The following KRT76 variants were observed in gnomAD, a reference collection of about 807,000 sequenced individuals.
KRT76 encodes the protein keratin, type II cytoskeletal 2 oral.
KRT76 carries 47 observed loss-of-function variants against 44.9 expected under a neutral mutation model. The ratio of observed to expected loss-of-function variants is 1.05; its 90% confidence interval spans 0.83 to 1.33. The LOEUF is 1.33. Ranked by LOEUF, KRT76 falls within the 40% of genes most tolerant of loss-of-function variation. The pLI, the probability that KRT76 is intolerant of heterozygous loss-of-function variation, is 0.00. For missense variants in KRT76, 860 were observed against 775.8 expected (o/e 1.11, Z -1.29); for synonymous variants, 331 against 294.1 (o/e 1.13, Z -1.28).
rs1939217956 is a variant in KRT76, at chr12:52,773,602, C to T, written c.856G>A (p.Glu286Lys). 6.2e-7 allele frequency: 1 copy of T among 1,613,442 alleles called. No homozygotes were observed. The highest frequency in any genetic ancestry group is 8.5e-7 in the Non-Finnish European group (1 of 1,179,494). Residue 286 changes from glutamate (E) to lysine (K), a missense_variant, in exon 3 of 9, where the codon GAG (glutamate) becomes AAG (lysine). Glu to Lys is a moderately conservative substitution (Grantham distance 56). Coordinates refer to ENST00000332411, the MANE Select transcript of KRT76 (RefSeq NM_015848.4). ...CCTACCTTCTTGAGCCCCACAAACTCATTCTCTGCGGCAGTGCGTTTGTTG... is the reference window on the plus strand; with the variant it reads ...CCTACCTTCTTGAGCCCCACAAACTTATTCTCTGCGGCAGTGCGTTTGTTG... ...EINKRTAAEN[E>K]FVGLKKDVDA...
At position 52,775,385 on chromosome 12, in the gene KRT76, C is replaced by G. The variant is rs759815813; in HGVS notation, c.815+3G>C. On this transcript the variant is annotated splice_donor_region_variant and intron_variant, in intron 2 of 8. Transcript: ENST00000332411. Reference sequence around the variant, plus strand: ...GGGGAAACTTCCCAGGAGGAGCCCTCACTTCTTTTTGAAGTCTTCCACCAG... The same window carrying G: ...GGGGAAACTTCCCAGGAGGAGCCCTGACTTCTTTTTGAAGTCTTCCACCAG... 6.2e-7 allele frequency: 1 copy of G among 1,613,900 alleles called. No homozygotes were observed. Among genetic ancestry groups the G allele is most frequent in the Non-Finnish European group, 8.5e-7 (1 of 1,179,768 alleles).
intron 7 of KRT76, 101 bp downstream of exon 7, chr12:52,770,898 T>C: frequency 6.8e-7 from 1 of 1,472,348 alleles, no homozygotes; most frequent in Non-Finnish European, 9.4e-7. Context: ...TCCTTGCCCT[T>C]TGTCTTAGTG....
Position 52,771,021 on chromosome 12 carries a change from G to T in KRT76, c.1462C>A (p.Leu488Met). The stretch of plus-strand genomic sequence containing the variant: ...CACCTGCACTCCTCTCCCTCCAGCA[G>T]CTTGCGGTAGGTGGCAATCTCCACA... Reference protein sequence around the residue: ...LDVEIATYRKLLEGEECRMSG... With the variant: ...LDVEIATYRKMLEGEECRMSG... Residue 488 changes from leucine to methionine, a missense_variant, in exon 7 of 9, where the codon CTG (leucine) becomes ATG (methionine). By Grantham distance (15) the Leu-to-Met change is conservative. Coordinates refer to ENST00000332411, the MANE Select transcript of KRT76 (RefSeq NM_015848.4). The T allele has an allele frequency of 6.2e-7, 1 of 1,614,126 alleles. No individual in the cohort carries two copies. Among genetic ancestry groups the T allele is most frequent in the Non-Finnish European group, 8.5e-7 (1 of 1,180,028 alleles).
At chr12:52,772,675 A>C in intron 4 of KRT76, 108 bp downstream of exon 4, 1 of 795,718 alleles carries the variant, frequency 1.3e-6, no homozygotes. Flanking sequence ...CTGAGTCCTG[A>C]GCCCCATTGC....
chr12:52,771,539 A>G (rs2121188757), intron 6 of KRT76, among the ~76,000 whole-genome samples: 1 of 152,352 alleles, frequency 6.6e-6, no homozygotes, highest in South Asian at 2.1e-4. Flanking sequence ...TTCCAATGAT[A>G]CAGAGCAGCC....
chr12:52,772,313 G>T, intron 4 of KRT76, 55 bp from the exon 5 acceptor site: 1 of 1,516,876 alleles, frequency 6.6e-7, no homozygotes. Context: ...GGGATGCTGG[G>T]AATCCTCTAC....
chr12:52,775,471 C>T lies in KRT76; in HGVS notation c.732G>A (p.Gln244=), dbSNP rs768560961. ...FESYISFLCK[Q]LDSLLGERGN... is the part of the protein sequence containing the mutation. ...CCCTCTCCCCTAGAAGTGAATCTAG[C>T]TGCTTGCATAGGAAGCTGATGTAGG... Residue 244 remains glutamine (Q), a synonymous_variant, in exon 2 of 9, where the codon CAG becomes CAA. Coordinates refer to ENST00000332411, the MANE Select transcript of KRT76 (RefSeq NM_015848.4). The T allele has an allele frequency of 8.1e-6, 13 of 1,614,208 alleles. No homozygotes were observed. Among genetic ancestry groups the T allele is most frequent in the Admixed American group, 3.3e-5 (2 of 60,034 alleles).
chr12:52,773,335 G>A (rs1168210280), intron 3 of KRT76, among the ~76,000 whole-genome samples: 4 of 151,984 alleles, frequency 2.6e-5, no homozygotes, highest in African/African-American at 9.7e-5. Flanking sequence ...ACACATAAAG[G>A]GCTCATTATT....
At position 52,772,832 on chromosome 12, in the gene KRT76, A is replaced by G; in HGVS notation, c.923T>C (p.Val308Ala). The change falls in exon 4 of 9, where the codon GTG becomes GCG. Residue 308 changes from valine to alanine, a missense_variant. Transcript: ENST00000332411. ...FMNKVELQAK[V>A]DSLTDEVSFL... ...GCTGACTTCATCTGTCAGGCTGTCC[A>G]CTTTGGCCTGCAGCTCCACCTTGTT... 6.2e-7 allele frequency: 1 copy of G among 1,614,122 alleles called. No individual in the cohort carries two copies. The highest frequency in any genetic ancestry group is 8.5e-7 in the Non-Finnish European group (1 of 1,179,996).
At chr12:52,770,110 T>A (rs1238872895) in intron 7 of KRT76, among the ~76,000 whole-genome samples, 4 of 152,208 alleles carry the variant, frequency 2.6e-5, no homozygotes, top group Non-Finnish European at 5.9e-5. Flanking sequence ...CTGTGTCTTA[T>A]TCTTGTTAAT....
In KRT76 at chr12:52,773,697, G is replaced by A. The variant is rs992687692; in HGVS notation, c.816-55C>T. On this transcript the variant is annotated intron_variant, in intron 2 of 8. Transcript: ENST00000332411. ...ACTGGCATTTCAGAAGTAAAAAAGAGAGGTGAGGATTCCAGGCACTCTCCT... is the reference window on the plus strand; with the variant it reads ...ACTGGCATTTCAGAAGTAAAAAAGAAAGGTGAGGATTCCAGGCACTCTCCT... The A allele has an allele frequency of 2.0e-6, 3 of 1,509,732 alleles. No individual in the cohort carries two copies. The African/African-American group carries it at 4.1e-5, about 21-fold the overall frequency. 93.5% of individuals were successfully genotyped at this position (1,509,732 alleles called of 1,614,324 possible).
chr12:52,769,656 TG>T, intron 7 of KRT76, 73 bp from the exon 8 acceptor site: 1 of 1,366,072 alleles, frequency 7.3e-7, no homozygotes, highest in Non-Finnish European at 1.0e-6. Context: ...TTCACAACTT[TG>T]GGAGCCACGC....
In KRT76 at chr12:52,768,588, T is replaced by C; in HGVS notation, c.*125A>G. 2 of 1,120,450 alleles carry C rather than the reference T, an allele frequency of 1.8e-6. No individual in the cohort carries two copies. Among genetic ancestry groups the C allele is most frequent in the Non-Finnish European group, 2.5e-6 (2 of 786,472 alleles). 69.4% of individuals were successfully genotyped at this position (1,120,450 alleles called of 1,614,324 possible). A position where few individuals can be genotyped will look rare whatever the true frequency, so the allele number is the denominator to read the frequency against. ...TGGAGAAACCAGGAGTTCAGCTTCT[T>C]CTCCAGGGAACTTGAGGAAAAATGT... On this transcript the variant is annotated 3_prime_UTR_variant, in exon 9 of 9. Transcript: ENST00000332411.
intron 2 of KRT76, among the ~76,000 whole-genome samples, chr12:52,773,847 T>C (rs1284129664): frequency 7.0e-6 from 1 of 143,626 alleles, no homozygotes; most frequent in African/African-American, 2.7e-5. Context: ...TTTTTTTTTT[T>C]CTGAGACAAG....
Position 52,769,100 on chromosome 12 carries a change from G to T in KRT76, c.1530C>A (p.Ser510Arg), listed in dbSNP as rs2121182300. The T allele has an allele frequency of 1.4e-6, 1 of 707,182 alleles. No homozygotes were observed. Among genetic ancestry groups the T allele is most frequent in the African/African-American group, 1.7e-5 (1 of 57,256 alleles). The allele number at this position is 707,182 out of a possible 1,614,324, so 43.8% of individuals were successfully genotyped here. The change falls in exon 9 of 9, where the codon AGC (serine) becomes AGA (arginine). Residue 510 changes from serine to arginine, a missense_variant. Transcript: ENST00000332411. ...AGCTGCCACTTGTGCTGGTGACATT[G>T]CTGACCACTGCTACAAGACAACAGG... ...CQSAVCISVV[S>R]NVTSTSGSSG...
In KRT76 at chr12:52,768,647, G is replaced by C. The variant is rs1939127275; in HGVS notation, c.*66C>G. On this transcript the variant is annotated 3_prime_UTR_variant, in exon 9 of 9. Transcript: ENST00000332411. ...CTTATGCATCTATTGATGCCAAGCA[G>C]AGAGTGGGAAACACTATTGCAGGCT... 6.6e-7 allele frequency: 1 copy of C among 1,515,702 alleles called. No individual in the cohort carries two copies. Among genetic ancestry groups the C allele is most frequent in the East Asian group, 2.3e-5 (1 of 43,730 alleles). The allele number at this position is 1,515,702 out of a possible 1,614,324, so 93.9% of individuals were successfully genotyped here. A position where few individuals can be genotyped will look rare whatever the true frequency, so the allele number is the denominator to read the frequency against.
At position 52,772,791 on chromosome 12, in the gene KRT76, A is replaced by G. The variant is rs751731106; in HGVS notation, c.964T>C (p.Tyr322His). 9 of 1,610,930 alleles carry G rather than the reference A, an allele frequency of 5.6e-6. No homozygotes were observed. Among genetic ancestry groups the G allele is most frequent in the Admixed American group, 1.7e-5 (1 of 60,024 alleles). ...GCAAACCAAGGAATCACCATCTCAT[A>G]GAGGGTCCTCAGGAAGCTGACTTCA... is the stretch of plus-strand genomic sequence containing the variant. ...TDEVSFLRTL[Y>H]EMELSQMQSH... The change falls in exon 4 of 9, where the codon TAT becomes CAT. Residue 322 changes from tyrosine (Y) to histidine (H), a missense_variant. Tyr to His is a moderately conservative substitution (Grantham distance 83, BLOSUM62 2). Coordinates refer to ENST00000332411, the MANE Select transcript of KRT76 (RefSeq NM_015848.4).
In KRT76 at chr12:52,776,712, AC is replaced by A. The variant is rs1263742848; in HGVS notation, c.579del (p.Lys193AsnfsTer53). The A allele has an allele frequency of 2.5e-6, 4 of 1,613,970 alleles. No homozygotes were observed. The African/African-American group carries it at 5.3e-5, about 22-fold the overall frequency. Reference protein sequence around the residue: ...EREQIKTLNNKFASFIDKVRF... With the variant: ...EREQIKTLNNXFASFIDKVRF... Reference sequence around the variant, plus strand: ...CTCACCTTGTCGATGAAGGAGGCAAACTTGTTGTTGAGGGTCTTGATCTGTT... The same window carrying A: ...CTCACCTTGTCGATGAAGGAGGCAAATTGTTGTTGAGGGTCTTGATCTGTT... On this transcript the variant is annotated frameshift_variant, in exon 1 of 9. Transcript: ENST00000332411. LOFTEE classifies it high-confidence loss of function.
At chr12:52,776,196 T>C (rs1470751485) in intron 1 of KRT76, among the ~76,000 whole-genome samples, 1 of 152,122 alleles carries the variant, frequency 6.6e-6, no homozygotes, top group Non-Finnish European at 1.5e-5. Context: ...CAGAACACCC[T>C]CCTCTGCCCC....
Sources: gnomAD v4.1 joint callset for allele counts (sites outside exome capture counted in the v4.1 genomes callset) on GRCh38, gnomAD v4.1.1 for gene constraint, MANE v1.5 for transcripts, NCBI Gene and HGNC (gene_info 2026-07-23, HGNC 2026-07-21) for gene names.